The following ABHD12B variants were observed in gnomAD, a reference collection of about 807,000 sequenced individuals.
ABHD12B encodes abhydrolase domain containing 12B, also known as protein ABHD12B.
A neutral mutation model predicts 50.4 loss-of-function variants in ABHD12B; 42 were observed. The ratio of observed to expected loss-of-function variants is 0.83; its 90% CI spans 0.65 to 1.08. The LOEUF (loss-of-function observed/expected upper bound fraction) is 1.08, where lower values mean the gene tolerates loss of function less well. Among genes scored for constraint, ABHD12B ranks in the 50% least tolerant of loss-of-function variants. The probability of loss-of-function intolerance (pLI) is 0.00; values close to 1 mark genes in which losing one functional copy is unlikely to be tolerated. For missense variants in ABHD12B, 479 were observed against 447.7 expected, an observed-to-expected ratio of 1.07 and a Z score of -0.63; for synonymous variants, 167 against 160.3, an observed-to-expected ratio of 1.04 and a Z score of -0.32.
intron 9 of ABHD12B, among the ~76,000 whole-genome samples, chr14:50,895,269 C>G (rs1014785164): frequency 2.0e-5 from 3 of 150,140 alleles, no homozygotes; most frequent in African/African-American, 7.6e-5. Context: ...TCAAACCCCA[C>G]AACAGGATTT....
At chr14:50,880,087 C>T (rs538392014) in intron 3 of ABHD12B, among the ~76,000 whole-genome samples, 283 of 152,224 alleles carry the variant, frequency 1.9e-3, no homozygotes, top group Non-Finnish European at 3.5e-3. Flanking sequence ...TCTCTTCGGC[C>T]GAACTCATGG....
At chr14:50,886,506 C>A in intron 7 of ABHD12B, 141 bp from the exon 8 acceptor site, 1 of 693,710 alleles carries the variant, frequency 1.4e-6, no homozygotes, top group Non-Finnish European at 2.4e-6. Context: ...CTGTGGAACC[C>A]TTTTAAATAG....
At position 50,872,222 on chromosome 14, in the gene ABHD12B, G is replaced by A; in HGVS notation, c.48G>A (p.Gly16=). 7.2e-6 allele frequency: 10 copies of A among 1,387,870 alleles called. No individual in the cohort carries two copies. The highest frequency in any genetic ancestry group is 8.4e-6 in the Non-Finnish European group (9 of 1,067,864). 86.0% of individuals were successfully genotyped at this position (1,387,870 alleles called of 1,614,324 possible). Residue 16 remains glycine (G), a synonymous_variant, in exon 1 of 13, where the codon GGG becomes GGA. Coordinates refer to ENST00000337334, the MANE Select transcript of ABHD12B (RefSeq NM_001206673.2). ...CGGCCGCATCGCCCGAGCCGCCCGG[G>A]CCCCCAGCCCGTAGCTGCGTGGCCG... ...CQAAASPEPP[G]PPARSCVAAW...
At chr14:50,891,117 C>G (rs1321378998) in intron 9 of ABHD12B, 1 of 152,014 alleles carries the variant, frequency 6.6e-6, no homozygotes, top group African/African-American at 2.4e-5. Context: ...GATTTTATTT[C>G]TTTTTATTTG....
At chr14:50,900,096 G>A (rs968464778) in intron 9 of ABHD12B, among the ~76,000 whole-genome samples, 1 of 151,812 alleles carries the variant, frequency 6.6e-6, no homozygotes, top group Non-Finnish European at 1.5e-5. Flanking sequence ...GTTGGGTGTG[G>A]TGGCACACCC....
In ABHD12B at chr14:50,885,875, G is replaced by T. The variant is rs1327579246; in HGVS notation, c.642G>T (p.Trp214Cys). 8.4e-5 allele frequency: 135 copies of T among 1,613,976 alleles called. No individual in the cohort carries two copies. The highest frequency in any genetic ancestry group is 1.1e-4 in the Non-Finnish European group (130 of 1,180,024). ...ARSGITPVCL[W>C]GHSLGTGVAT... ...GTGGCATCACTCCCGTGTGTCTCTG[G>T]GGCCACTCTCTGGGTACAGGGTAAG... is the stretch of plus-strand genomic sequence containing the variant. Residue 214 changes from tryptophan (W) to cysteine (C), a missense_variant, in exon 7 of 13, where the codon TGG becomes TGT. Coordinates refer to ENST00000337334, the MANE Select transcript of ABHD12B (RefSeq NM_001206673.2).
chr14:50,899,057 G>T (rs1377999040), intron 9 of ABHD12B, among the ~76,000 whole-genome samples: 2 of 152,230 alleles, frequency 1.3e-5, no homozygotes, highest in African/African-American at 2.4e-5. Flanking sequence ...GCTGGGCATG[G>T]TGGCAGGTGC....
At chr14:50,881,769 AG>A in intron 5 of ABHD12B, 143 bp downstream of exon 5, 1 of 919,312 alleles carries the variant, frequency 1.1e-6, no homozygotes. Context: ...TGGGGCTCAA[AG>A]TCCCACCGGT....
chr14:50,883,065 C>A (rs1271895388), intron 5 of ABHD12B, among the ~76,000 whole-genome samples: 2 of 152,096 alleles, frequency 1.3e-5, no homozygotes, highest in Non-Finnish European at 2.9e-5. Flanking sequence ...CTCCTCACTC[C>A]CTGCTGCATG....
At chr14:50,894,292 C>T (rs1384167463) in intron 9 of ABHD12B, among the ~76,000 whole-genome samples, 2 of 152,038 alleles carry the variant, frequency 1.3e-5, no homozygotes, top group Admixed American at 6.6e-5. Context: ...AACCCCCAAT[C>T]GCTTATTTCT....
At chr14:50,902,057 C>A in intron 10 of ABHD12B, 146 bp downstream of exon 10, 1 of 544,802 alleles carries the variant, frequency 1.8e-6, no homozygotes, top group Non-Finnish European at 3.1e-6. Flanking sequence ...CTTAGATGGG[C>A]ACTAAGATTT....
intron 12 of ABHD12B, 22 bp from the exon 13 acceptor site, chr14:50,904,317 G>T: frequency 6.2e-7 from 1 of 1,613,862 alleles, no homozygotes; most frequent in Non-Finnish European, 8.5e-7. Flanking sequence ...GGTGTGAGCT[G>T]ATCTGGGTCC....
chr14:50,902,270 C>T (rs2050268721), intron 10 of ABHD12B, among the ~76,000 whole-genome samples: 1 of 152,036 alleles, frequency 6.6e-6, no homozygotes, highest in African/African-American at 2.4e-5. Flanking sequence ...ATAGCTTGAG[C>T]CCAGAAGTTT....
intron 3 of ABHD12B, among the ~76,000 whole-genome samples, chr14:50,879,101 T>C (rs2049903136): frequency 6.6e-6 from 1 of 152,216 alleles, no homozygotes; most frequent in African/African-American, 2.4e-5. Context: ...CATACCACCC[T>C]TGCCTTCATG....
chr14:50,873,144 C>T (rs1267302225), intron 1 of ABHD12B, among the ~76,000 whole-genome samples: 1 of 152,130 alleles, frequency 6.6e-6, no homozygotes, highest in Non-Finnish European at 1.5e-5. Context: ...CCAAAAATTA[C>T]ATCCAGACAC....
intron 9 of ABHD12B, among the ~76,000 whole-genome samples, chr14:50,894,436 C>T (rs1356063757): frequency 6.6e-6 from 1 of 151,858 alleles, no homozygotes. Flanking sequence ...TTGCCTCCTT[C>T]ACTATGGGCA....
chr14:50,896,122 T>A (rs1415568777), intron 9 of ABHD12B, among the ~76,000 whole-genome samples: 1 of 151,898 alleles, frequency 6.6e-6, no homozygotes, highest in Admixed American at 6.6e-5. Flanking sequence ...CCCCTTACCA[T>A]CTCATTAAAA....
intron 9 of ABHD12B, among the ~76,000 whole-genome samples, chr14:50,894,391 A>T (rs1254132779): frequency 7.7e-6 from 1 of 130,380 alleles, no homozygotes; most frequent in African/African-American, 2.8e-5. Flanking sequence ...GAACCCCCCC[A>T]CCCCTTCTCC....
chr14:50,901,424 C>T (rs1026185456), intron 9 of ABHD12B, among the ~76,000 whole-genome samples: 2 of 152,176 alleles, frequency 1.3e-5, no homozygotes, highest in Non-Finnish European at 2.9e-5. Context: ...AATCAATTTT[C>T]TATGTATTGT....
Sources: allele counts gnomAD v4.1 joint callset (sites outside exome capture counted in the v4.1 genomes callset), GRCh38; gene constraint gnomAD v4.1.1; transcripts MANE v1.5; gene names NCBI Gene and HGNC (gene_info 2026-07-23, HGNC 2026-07-21).